LPAR3: variants seen among roughly 807,000 people sequenced by gnomAD.
LPAR3 encodes lysophosphatidic acid receptor 3.
Under a neutral mutation model 17.8 loss-of-function variants are expected in LPAR3, and 7 were observed. That is an observed-to-expected ratio of 0.39 (90% confidence interval 0.22 to 0.74). The LOEUF is 0.74. Ranked by LOEUF, LPAR3 falls within the 30% of genes least tolerant of loss-of-function variation. LPAR3 has a pLI of 0.40. For synonymous variants in LPAR3, 179 were observed against 179.9 expected, an observed-to-expected ratio of 0.99 and a Z score of 0.04; for missense variants, 391 against 453.4, an observed-to-expected ratio of 0.86 and a Z score of 1.25.
At chr1:84,869,170 C>T (rs1289624432) in intron 1 of LPAR3, among the ~76,000 whole-genome samples, 1 of 152,014 alleles carries the variant, frequency 6.6e-6, no homozygotes, top group African/African-American at 2.4e-5. Flanking sequence ...TACATGTGGT[C>T]GAATTTTTAA....
chr1:84,892,194 T>C (rs11161478), intron 1 of LPAR3, among the ~76,000 whole-genome samples: 44,232 of 150,878 alleles, frequency 0.29, 6,719 homozygotes, highest in East Asian at 0.45. Context: ...GCCCGGATGA[T>C]AGTGCGAGAC....
At chr1:84,826,050 G>A (rs1659148142) in intron 2 of LPAR3, among the ~76,000 whole-genome samples, 1 of 151,872 alleles carries the variant, frequency 6.6e-6, no homozygotes, top group African/African-American at 2.4e-5. Context: ...TAATGATAAC[G>A]GTGCTTTGCG....
intron 1 of LPAR3, among the ~76,000 whole-genome samples, chr1:84,870,951 A>C (rs1461801061): frequency 6.6e-6 from 1 of 152,244 alleles, no homozygotes; most frequent in African/African-American, 2.4e-5. Context: ...CCCATGCTAT[A>C]AAAAATAGAG....
intron 2 of LPAR3, among the ~76,000 whole-genome samples, chr1:84,853,244 G>C (rs1344605838): frequency 6.6e-6 from 1 of 152,180 alleles, no homozygotes; most frequent in Non-Finnish European, 1.5e-5. Flanking sequence ...ATAAGGACAA[G>C]AGTAGGCTCG....
chr1:84,890,061 C>T (rs1660525087), intron 1 of LPAR3, among the ~76,000 whole-genome samples: 1 of 152,228 alleles, frequency 6.6e-6, no homozygotes, highest in Non-Finnish European at 1.5e-5. Flanking sequence ...CACAAAGTCT[C>T]TGCACTTATG....
At chr1:84,842,455 A>G (rs1024888986) in intron 2 of LPAR3, among the ~76,000 whole-genome samples, 7 of 152,260 alleles carry the variant, frequency 4.6e-5, no homozygotes, top group African/African-American at 1.7e-4. Flanking sequence ...AATCATGCAA[A>G]TGAATGAGCA....
At chr1:84,834,372 A>G (rs950658328) in intron 2 of LPAR3, among the ~76,000 whole-genome samples, 6 of 152,242 alleles carry the variant, frequency 3.9e-5, no homozygotes, top group African/African-American at 1.2e-4. Context: ...TTAAATACTA[A>G]TAAGAGTAGA....
intron 2 of LPAR3, among the ~76,000 whole-genome samples, chr1:84,837,357 C>T (rs1659425615): frequency 6.6e-6 from 1 of 152,210 alleles, no homozygotes; most frequent in African/African-American, 2.4e-5. Flanking sequence ...ATATAAATAT[C>T]ACACTTTAAC....
intron 2 of LPAR3, among the ~76,000 whole-genome samples, chr1:84,834,502 C>T (rs924196976): frequency 5.3e-5 from 8 of 152,250 alleles, no homozygotes; most frequent in Middle Eastern, 3.4e-3. Context: ...TTTTACTGAA[C>T]AGAGGTTTTA....
At chr1:84,835,195 T>A (rs896447108) in intron 2 of LPAR3, among the ~76,000 whole-genome samples, 2 of 152,202 alleles carry the variant, frequency 1.3e-5, no homozygotes, top group African/African-American at 4.8e-5. Context: ...ATGGCCAGAA[T>A]TGGCCTTAAG....
At chr1:84,860,412 C>G (rs569088110) in intron 2 of LPAR3, among the ~76,000 whole-genome samples, 18 of 152,282 alleles carry the variant, frequency 1.2e-4, no homozygotes, top group African/African-American at 4.1e-4. Flanking sequence ...CTCTGTGGGG[C>G]CTTCCTCATG....
chr1:84,842,882 G>A lies in LPAR3; in HGVS notation c.736+22503C>T, dbSNP rs548963772. 5.9e-4 allele frequency among the ~76,000 whole-genome samples: 89 copies of A among 151,264 alleles called. 1 individual carries two copies. The highest frequency in any genetic ancestry group is 3.4e-3 in the Middle Eastern group (1 of 294). On this transcript the variant is annotated intron_variant, in intron 2 of 2. Transcript: ENST00000370611. ...CATAAGACTCTTGGAGGAGAGCAAA[G>A]AAGAAAAAAAAAGATTCCCTACATG...
At chr1:84,816,271 T>G (rs531859392) in intron 2 of LPAR3, among the ~76,000 whole-genome samples, 22 of 152,326 alleles carry the variant, frequency 1.4e-4, no homozygotes, top group Admixed American at 1.0e-3. Context: ...CCGATAATTG[T>G]GTCTGAGAAA....
chr1:84,863,859 C>T (rs1314710773), intron 2 of LPAR3, among the ~76,000 whole-genome samples: 3 of 152,160 alleles, frequency 2.0e-5, no homozygotes, highest in Non-Finnish European at 4.4e-5. Context: ...CATTCCCCAC[C>T]TTCTCCTCCA....
At position 84,866,124 on chromosome 1, in the gene LPAR3, G is replaced by GAA; in HGVS notation, c.-5_-4insTT. ...TGTCATAGTGACACTCATTCATTGT[G>GAA]GAGAAGTGAACATCCTAGAAAGAAA... On this transcript the variant is annotated 5_prime_UTR_variant, in exon 2 of 3. Transcript: ENST00000370611. 1.4e-6 allele frequency: 2 copies of GAA among 1,475,906 alleles called. No homozygotes were observed. The highest frequency in any genetic ancestry group is 2.7e-5 in the African/African-American group (1 of 36,744). 91.4% of individuals were successfully genotyped at this position (1,475,906 alleles called of 1,614,324 possible). A position where few individuals can be genotyped will look rare whatever the true frequency, so the allele number is the denominator to read the frequency against.
At chr1:84,874,150 G>T (rs1211738759) in intron 1 of LPAR3, among the ~76,000 whole-genome samples, 1 of 152,170 alleles carries the variant, frequency 6.6e-6, no homozygotes, top group Admixed American at 6.5e-5. Flanking sequence ...GTCAGTAGAG[G>T]TTCCAAGAGG....
chr1:84,853,232 G>T (rs1462151034), intron 2 of LPAR3, among the ~76,000 whole-genome samples: 2 of 152,152 alleles, frequency 1.3e-5, no homozygotes, highest in African/African-American at 4.8e-5. Flanking sequence ...AGGAAAGCAA[G>T]AATAAGGACA....
rs1658817637 is a variant in LPAR3 at position 84,811,786 on chromosome 1, A to C, written c.*2060T>G. The C allele has an allele frequency of 6.6e-6, 1 of 152,214 alleles. No individual in the cohort carries two copies. Among genetic ancestry groups the C allele is most frequent in the Non-Finnish European group, 1.5e-5 (1 of 68,036 alleles). The allele number at this position is 152,214 out of a possible 1,614,324, so 9.4% of individuals were successfully genotyped here. A position where few individuals can be genotyped will look rare whatever the true frequency, so the allele number is the denominator to read the frequency against. ...CAAGTAGTTCTTGCACATAAATGTT[A>C]TATCACAATAGCAAAAAAATGTAAA... is the stretch of plus-strand genomic sequence containing the variant. On this transcript the variant is annotated 3_prime_UTR_variant, in exon 3 of 3. Transcript: ENST00000370611.
chr1:84,862,260 C>T (rs909083704), intron 2 of LPAR3, among the ~76,000 whole-genome samples: 3 of 152,166 alleles, frequency 2.0e-5, no homozygotes, highest in Admixed American at 1.3e-4. Flanking sequence ...TTAATGTGAA[C>T]CCTCTTTTTC....
Sources: gnomAD v4.1 joint callset for allele counts (sites outside exome capture counted in the v4.1 genomes callset) on GRCh38, gnomAD v4.1.1 for gene constraint, MANE v1.5 for transcripts, NCBI Gene and HGNC (gene_info 2026-07-23, HGNC 2026-07-21) for gene names.